The following PRKN variants were observed in gnomAD, a reference collection of about 807,000 sequenced individuals.
PRKN encodes E3 ubiquitin-protein ligase parkin.
Under a neutral mutation model 59.5 loss-of-function variants are expected in PRKN, and 56 were observed. That is an observed-to-expected ratio of 0.94 (90% CI 0.76 to 1.18). The LOEUF (loss-of-function observed/expected upper bound fraction) is 1.18. Among genes scored for constraint, PRKN ranks in the 50% most tolerant of loss-of-function variants. PRKN has a pLI of 0.00. For synonymous variants in PRKN, 250 were observed against 222.1 expected (o/e 1.13, Z -1.12); for missense variants, 657 against 596.4 (o/e 1.10, Z -1.06).
rs6904517 is a variant in PRKN at position 161,877,416 on chromosome 6, A to C, written c.735-91508T>G. ...TCATGGCCTACATCATGACTATTTT[A>C]AGCAAGACTAAAGGCTGATAATGCA... is the stretch of plus-strand genomic sequence containing the variant. On this transcript the variant is annotated intron_variant, in intron 6 of 11. Coordinates refer to ENST00000366898, the MANE Select transcript of PRKN (RefSeq NM_004562.3). Among the ~76,000 whole-genome samples, 721 of 152,170 alleles carry C rather than the reference A, an allele frequency of 4.7e-3. 4 individuals carry two copies. The highest frequency in any genetic ancestry group is 0.016 in the African/African-American group (661 of 41,538).
At chr6:161,768,780 C>T (rs1284981406) in intron 7 of PRKN, among the ~76,000 whole-genome samples, 1 of 152,134 alleles carries the variant, frequency 6.6e-6, no homozygotes, top group African/African-American at 2.4e-5. Context: ...ATTCATTACT[C>T]ATCTGCAGCC....
rs945215174 is a variant in PRKN at position 161,369,100 on chromosome 6, C to T, written c.1168-8895G>A. ...CGGTGCCCAGGCCACTGGTTTAGAC[C>T]TTTGACTGCCACTTCCGAGAGGGGA... is the stretch of plus-strand genomic sequence containing the variant. On this transcript the variant is annotated intron_variant, in intron 10 of 11. Coordinates refer to ENST00000366898, the MANE Select transcript of PRKN (RefSeq NM_004562.3). The surrounding 1 kb of genome is among the most constrained non-coding windows in gnomAD (Gnocchi z 5.8). Among the ~76,000 whole-genome samples the T allele has an allele frequency of 1.3e-5, 2 of 152,166 alleles. No homozygotes were observed. The highest frequency in any genetic ancestry group is 1.3e-4 in the Admixed American group (2 of 15,280).
chr6:161,924,223 A>G (rs1778885194), intron 6 of PRKN, among the ~76,000 whole-genome samples: 2 of 152,160 alleles, frequency 1.3e-5, no homozygotes, highest in Admixed American at 1.3e-4. Context: ...TACTGCCCCT[A>G]TCACACTACC....
At chr6:161,781,962 T>C (rs1445553324) in intron 7 of PRKN, among the ~76,000 whole-genome samples, 1 of 152,202 alleles carries the variant, frequency 6.6e-6, no homozygotes, top group Non-Finnish European at 1.5e-5. Flanking sequence ...CACTTTGCAA[T>C]TGCTGATGGG....
chr6:161,730,940 TTTCTGATGTGTTGCA>T (rs1218900598), intron 7 of PRKN, among the ~76,000 whole-genome samples: 13 of 152,342 alleles, frequency 8.5e-5, no homozygotes, highest in Admixed American at 3.9e-4. Flanking sequence ...TGTTGCATTC[TTTCTGATGTGTTGCA>T]TTCTGATGTG....
At chr6:162,714,385 G>C (rs1255933507) in intron 1 of PRKN, among the ~76,000 whole-genome samples, 2 of 152,114 alleles carry the variant, frequency 1.3e-5, no homozygotes, top group Admixed American at 6.6e-5. Flanking sequence ...GACAGGGAGG[G>C]AGGGGCCCTG....
At chr6:161,672,515 T>C (rs1218079240) in intron 7 of PRKN, among the ~76,000 whole-genome samples, 1 of 152,204 alleles carries the variant, frequency 6.6e-6, no homozygotes, top group Non-Finnish European at 1.5e-5. Flanking sequence ...GTGGCTCATG[T>C]CTGTAATCCC....
At chr6:161,622,396 T>A (rs1325879097) in intron 7 of PRKN, among the ~76,000 whole-genome samples, 1 of 152,072 alleles carries the variant, frequency 6.6e-6, no homozygotes, top group African/African-American at 2.4e-5. Context: ...TCCAGCGACC[T>A]CCCTGCCCCT....
chr6:162,400,098 T>C (rs911658005), intron 2 of PRKN, among the ~76,000 whole-genome samples: 1 of 151,866 alleles, frequency 6.6e-6, no homozygotes, highest in African/African-American at 2.4e-5. Flanking sequence ...TCCCAGCTAC[T>C]TGGGAGGCTG....
intron 4 of PRKN, among the ~76,000 whole-genome samples, chr6:162,085,867 T>C (rs958316389): frequency 2.6e-5 from 4 of 151,430 alleles, no homozygotes; most frequent in African/African-American, 9.8e-5. Flanking sequence ...AACTGAGAGA[T>C]TTTATTGTTA....
intron 5 of PRKN, among the ~76,000 whole-genome samples, chr6:162,022,087 C>G (rs1267072534): frequency 6.6e-6 from 1 of 151,798 alleles, no homozygotes; most frequent in East Asian, 1.9e-4. Flanking sequence ...TTTTCTTTAT[C>G]CAATCTACCA....
intron 7 of PRKN, among the ~76,000 whole-genome samples, chr6:161,699,784 G>A (rs549882942): frequency 2.2e-4 from 33 of 152,276 alleles, no homozygotes; most frequent in Admixed American, 3.3e-4. Flanking sequence ...GAAGTTCACC[G>A]TCCTGATGGT....
At chr6:162,558,383 G>T (rs375343609) in intron 1 of PRKN, among the ~76,000 whole-genome samples, 1 of 148,572 alleles carries the variant, frequency 6.7e-6, no homozygotes. Context: ...AGGCTGGAGT[G>T]CAATGGCGCC....
chr6:162,326,005 CA>C (rs1783255441), intron 2 of PRKN, among the ~76,000 whole-genome samples: 1 of 152,102 alleles, frequency 6.6e-6, no homozygotes. Flanking sequence ...CATAAGCCAG[CA>C]AATCAGAGGC....
intron 9 of PRKN, among the ~76,000 whole-genome samples, chr6:161,519,838 A>G (rs1453324378): frequency 6.6e-6 from 1 of 152,022 alleles, no homozygotes; most frequent in East Asian, 1.9e-4. Flanking sequence ...GCATTCCTCC[A>G]TCTTATTCTC....
At chr6:162,196,105 G>A (rs1036038563) in intron 4 of PRKN, among the ~76,000 whole-genome samples, 3 of 152,172 alleles carry the variant, frequency 2.0e-5, no homozygotes, top group African/African-American at 7.2e-5. Context: ...ATGGGCTATG[G>A]CCAAGACAAT....
intron 6 of PRKN, 26 bp from the exon 7 acceptor site, chr6:161,785,934 C>T: frequency 6.2e-7 from 1 of 1,613,154 alleles, no homozygotes; most frequent in Middle Eastern, 1.7e-4. Flanking sequence ...AAGATGTTTC[C>T]TCTAGTACCT....
At chr6:161,839,289 G>T (rs368020562) in intron 6 of PRKN, among the ~76,000 whole-genome samples, 1 of 152,102 alleles carries the variant, frequency 6.6e-6, no homozygotes. Context: ...CTGAGGGAGC[G>T]CCTGGAGCTG....
At chr6:161,702,062 T>C (rs1016208960) in intron 7 of PRKN, among the ~76,000 whole-genome samples, 1 of 152,258 alleles carries the variant, frequency 6.6e-6, no homozygotes, top group Non-Finnish European at 1.5e-5. Context: ...CAGAATGATC[T>C]AGTCATCTAT....
Sources: allele counts gnomAD v4.1 joint callset (sites outside exome capture counted in the v4.1 genomes callset), GRCh38; gene constraint gnomAD v4.1.1; non-coding constraint Gnocchi (gnomAD v3.1); transcripts MANE v1.5; gene names NCBI Gene and HGNC (gene_info 2026-07-23, HGNC 2026-07-21).